Variants in FBN2 observed in about 807,000 individuals in gnomAD.
FBN2 encodes fibrillin-2.
A neutral mutation model predicts 355.6 loss-of-function variants in FBN2; 105 were observed. The ratio of observed to expected loss-of-function variants is 0.30; its 90% confidence interval spans 0.25 to 0.35. The LOEUF is 0.35. Ranked by LOEUF, FBN2 falls within the 10% of genes least tolerant of loss-of-function variation. The probability of loss-of-function intolerance (pLI) is 1.00; values close to 1 mark genes in which losing one functional copy is unlikely to be tolerated. For synonymous variants in FBN2, 1,350 were observed against 1,301.2 expected (o/e 1.04, Z -0.81); for missense variants, 3,280 against 3,758.7 (o/e 0.87, Z 3.33).
rs1756910138 is a variant in FBN2 at position 128,538,115 on chromosome 5, G to C, written c.-512C>G. On this transcript the variant is annotated 5_prime_UTR_variant, in exon 1 of 65. Transcript: ENST00000262464. ...CCAGAAGAAGAGGAGGGTTCCCTCC[G>C]GGCTCGCTCGGAGTCCCACAGGGCA... The C allele has an allele frequency of 6.4e-6, 1 of 157,298 alleles. No individual in the cohort carries two copies. Among genetic ancestry groups the C allele is most frequent in the African/African-American group, 2.4e-5 (1 of 41,502 alleles). The allele number at this position is 157,298 out of a possible 1,614,324, so 9.7% of individuals were successfully genotyped here.
At chr5:128,448,310 C>CA (rs1754129353) in intron 6 of FBN2, among the ~76,000 whole-genome samples, 1 of 145,634 alleles carries the variant, frequency 6.9e-6, no homozygotes, top group Middle Eastern at 3.5e-3. Flanking sequence ...AATTTTCTTT[C>CA]TTTTTTTTTT....
intron 16 of FBN2, among the ~76,000 whole-genome samples, chr5:128,368,465 T>TACATAGATATAC (rs1751839650): frequency 7.8e-6 from 1 of 128,214 alleles, no homozygotes. Flanking sequence ...CACATATATA[T>TACATAGATATAC]ACATATATAT....
chr5:128,471,859 T>C (rs1754869906), intron 5 of FBN2, among the ~76,000 whole-genome samples: 1 of 152,196 alleles, frequency 6.6e-6, no homozygotes, highest in South Asian at 2.1e-4. Context: ...AGGAGTTGAG[T>C]ACTTTTTAAG....
chr5:128,493,121 G>C (rs1310043093), intron 5 of FBN2, among the ~76,000 whole-genome samples: 1 of 152,094 alleles, frequency 6.6e-6, no homozygotes, highest in Non-Finnish European at 1.5e-5. Context: ...GTTAAGGCAA[G>C]AACAGTGACA....
chr5:128,392,228 G>A, intron 10 of FBN2, 73 bp from the exon 11 acceptor site: 3 of 1,307,208 alleles, frequency 2.3e-6, no homozygotes, highest in Non-Finnish European at 3.3e-6. Context: ...ATTTTTAAAG[G>A]ACATTTAATA....
At chr5:128,358,643 T>C (rs933502193) in intron 19 of FBN2, among the ~76,000 whole-genome samples, 3 of 152,170 alleles carry the variant, frequency 2.0e-5, no homozygotes, top group African/African-American at 7.2e-5. Flanking sequence ...AGAAGAGATT[T>C]TGTAAATATA....
intron 7 of FBN2, among the ~76,000 whole-genome samples, chr5:128,412,456 T>C (rs994109239): frequency 1.3e-5 from 2 of 152,214 alleles, no homozygotes; most frequent in African/African-American, 4.8e-5. Context: ...TAGAATTGGG[T>C]CACATGCTAA....
At chr5:128,347,806 C>CCT (rs1751224727) in intron 23 of FBN2, among the ~76,000 whole-genome samples, 1 of 151,738 alleles carries the variant, frequency 6.6e-6, no homozygotes, top group South Asian at 2.1e-4. Context: ...TGAGACAGAG[C>CCT]CTCACTCTGT....
intron 21 of FBN2, 63 bp from the exon 22 acceptor site, chr5:128,350,068 A>C: frequency 1.6e-5 from 21 of 1,316,586 alleles, no homozygotes; most frequent in Non-Finnish European, 2.2e-5. Flanking sequence ...TGGTATGCTC[A>C]AGAAGAAGTA....
At chr5:128,480,553 T>A (rs981439700) in intron 5 of FBN2, among the ~76,000 whole-genome samples, 24 of 152,160 alleles carry the variant, frequency 1.6e-4, no homozygotes, top group African/African-American at 5.5e-4. Context: ...TTTACAAAAA[T>A]ACAAAAATTA....
chr5:128,413,328 AG>A, intron 7 of FBN2, among the ~76,000 whole-genome samples: 1 of 152,290 alleles, frequency 6.6e-6, no homozygotes, highest in East Asian at 1.9e-4. Context: ...GAGGAAGAAA[AG>A]CAGAATAGGA....
intron 16 of FBN2, among the ~76,000 whole-genome samples, chr5:128,367,459 T>C (rs530359101): frequency 9.8e-4 from 149 of 152,268 alleles, no homozygotes; most frequent in Admixed American, 2.4e-3. Context: ...ATTTCAACTC[T>C]CCTTATTGAT....
In FBN2 at chr5:128,349,940, GA is replaced by G; in HGVS notation, c.2863+14del. 6.2e-7 allele frequency: 1 copy of G among 1,600,958 alleles called. No individual in the cohort carries two copies. Among genetic ancestry groups the G allele is most frequent in the Non-Finnish European group, 8.6e-7 (1 of 1,167,852 alleles). The stretch of plus-strand genomic sequence containing the variant: ...CAAAAGATGTATAGTATCTTCCAAG[GA>G]AGGATACACTCACCTTCACACGTAA... On this transcript the variant is annotated intron_variant, in intron 22 of 64. Coordinates refer to ENST00000262464, the MANE Select transcript of FBN2 (RefSeq NM_001999.4).
chr5:128,265,487 T>C (rs1280848963), intron 62 of FBN2, among the ~76,000 whole-genome samples: 1 of 152,220 alleles, frequency 6.6e-6, no homozygotes, highest in African/African-American at 2.4e-5. Flanking sequence ...TGTTCCTGTC[T>C]GACACATACT....
At position 128,335,519 on chromosome 5, in the gene FBN2, C is replaced by G. The variant is rs1193474946; in HGVS notation, c.3783G>C (p.Glu1261Asp). 3 of 1,613,912 alleles carry G rather than the reference C, an allele frequency of 1.9e-6. No individual in the cohort carries two copies. The highest frequency in any genetic ancestry group is 3.3e-5 in the Admixed American group (2 of 60,004). The stretch of plus-strand genomic sequence containing the variant: ...CACTGCAGCTGCATTCGTAGCTTCC[C>G]TCTGAATTTGTGCACTGGGTGTCAC... ...GGCDTQCTNS[E>D]GSYECSCSEG... Residue 1261 changes from glutamate (E) to aspartate (D), a missense_variant, in exon 29 of 65, where the codon GAG becomes GAC. Around this residue, in one of 6 missense-constraint regions of FBN2, gnomAD observed 2,284 missense variants for 2,749.5 expected, o/e 0.83. Transcript: ENST00000262464.
chr5:128,396,848 A>T (rs1174467864), intron 8 of FBN2, among the ~76,000 whole-genome samples: 1 of 152,240 alleles, frequency 6.6e-6, no homozygotes, highest in Non-Finnish European at 1.5e-5. Flanking sequence ...CACAGCAATC[A>T]GGATCTGCAT....
At position 128,263,366 on chromosome 5, in the gene FBN2, C is replaced by T. The variant is rs1336899208; in HGVS notation, c.8192+59G>A. ...TACTCTTCCCTGCAGTGGGGGGTGG[C>T]CTGAACTCACTCAGGAACCATGTAT... On this transcript the variant is annotated intron_variant, in intron 63 of 64. Coordinates refer to ENST00000262464, the MANE Select transcript of FBN2 (RefSeq NM_001999.4). 5 of 1,318,822 alleles carry T rather than the reference C, an allele frequency of 3.8e-6. No homozygotes were observed. In the African/African-American group the frequency reaches 7.3e-5, roughly 19 times the overall value. 81.7% of individuals were successfully genotyped at this position (1,318,822 alleles called of 1,614,324 possible). A position where few individuals can be genotyped will look rare whatever the true frequency, so the allele number is the denominator to read the frequency against.
rs1487254333 is a variant in FBN2, at chr5:128,369,308, C to G, written c.2122G>C (p.Gly708Arg). Residue 708 changes from glycine (G) to arginine (R), a missense_variant, in exon 16 of 65, where the codon GGA becomes CGA. Physicochemically the swap from Gly to Arg is moderately radical, Grantham distance 125 (BLOSUM62 -2). Coordinates refer to ENST00000262464, the MANE Select transcript of FBN2 (RefSeq NM_001999.4). ...VDTHMRSTCY[G>R]GIKKGVCVRP... ...ACACACACTCCTTTCTTGATTCCTC[C>G]ATAGCAGGTACTGCGCATGTGAGTA... The G allele has an allele frequency of 1.2e-6, 2 of 1,613,980 alleles. No individual in the cohort carries two copies. Among genetic ancestry groups the G allele is most frequent in the Non-Finnish European group, 1.7e-6 (2 of 1,180,030 alleles).
chr5:128,417,830 T>C (rs918723571), intron 7 of FBN2, among the ~76,000 whole-genome samples: 2 of 152,070 alleles, frequency 1.3e-5, no homozygotes, highest in African/African-American at 4.8e-5. Context: ...TTTGTCCTTG[T>C]CTGGTTTTGT....
Sources: allele counts gnomAD v4.1 joint callset (sites outside exome capture counted in the v4.1 genomes callset), GRCh38; gene constraint gnomAD v4.1.1; regional missense constraint gnomAD v4.1.1; transcripts MANE v1.5; gene names NCBI Gene and HGNC (gene_info 2026-07-23, HGNC 2026-07-21).